Variants in PITRM1 observed in about 807,000 individuals in gnomAD.
PITRM1 encodes the protein pitrilysin metallopeptidase 1.
A neutral mutation model predicts 129.9 loss-of-function variants in PITRM1; 100 were observed. The observed-to-expected ratio is 0.77, with a 90% CI of 0.65 to 0.91. The LOEUF (loss-of-function observed/expected upper bound fraction) is 0.91, where lower values mean the gene tolerates loss of function less well. Among genes scored for constraint, PITRM1 ranks in the 40% least tolerant of loss-of-function variants. PITRM1 has a pLI of 0.00. For missense variants in PITRM1, 1,471 were observed against 1,318.3 expected (o/e 1.12, Z -1.79); for synonymous variants, 591 against 508.8 (o/e 1.16, Z -2.17).
intron 15 of PITRM1, among the ~76,000 whole-genome samples, chr10:3,150,355 G>A (rs565030713): frequency 6.6e-6 from 1 of 152,322 alleles, no homozygotes; most frequent in East Asian, 1.9e-4. Flanking sequence ...AACTGCCAGG[G>A]TTAACAGATC....
chr10:3,145,798 A>C, intron 20 of PITRM1, 82 bp from the exon 21 acceptor site: 1 of 1,118,150 alleles, frequency 8.9e-7, no homozygotes, highest in Non-Finnish European at 1.3e-6. Context: ...ATAACTCAAT[A>C]ATGTTGTTTT....
rs1238949828 is a variant in PITRM1 at position 3,149,862 on chromosome 10, G to C, written c.1739-109C>G. On this transcript the variant is annotated intron_variant, in intron 15 of 26. Transcript: ENST00000224949. The stretch of plus-strand genomic sequence containing the variant: ...TGTTTTTTCAAGAATGGAGGTTTAA[G>C]ACTTATACTAGAGTTTATATAAATT... 3.5e-6 allele frequency: 4 copies of C among 1,132,710 alleles called. No homozygotes were observed. In the Admixed American group the frequency reaches 5.6e-5, roughly 16 times the overall value. The allele number at this position is 1,132,710 out of a possible 1,614,324, so 70.2% of individuals were successfully genotyped here.
At chr10:3,145,470 G>T (rs1289830370) in intron 21 of PITRM1, 126 bp downstream of exon 21, 2 of 757,778 alleles carry the variant, frequency 2.6e-6, no homozygotes, top group African/African-American at 3.5e-5. Context: ...TTCTTCATCT[G>T]CGTACGGGGG....
rs978562655 is a variant in PITRM1 at position 3,138,256 on chromosome 10, T to G, written c.2999A>C (p.Lys1000Thr). The G allele has an allele frequency of 6.2e-7, 1 of 1,613,424 alleles. No individual in the cohort carries two copies. The highest frequency in any genetic ancestry group is 1.3e-5 in the African/African-American group (1 of 75,034). ...REQLFAVSHDKLLAVSDRYLG... is the reference protein window; with the variant it reads ...REQLFAVSHDTLLAVSDRYLG... The stretch of plus-strand genomic sequence containing the variant: ...TCACCTATCGCTCACGGCCAGGAGC[T>G]TGTCGTGGCTGACAGCAAAGAGCTG... The change falls in exon 26 of 27, where the codon AAG becomes ACG. Residue 1000 changes from lysine to threonine, a missense_variant. Coordinates refer to ENST00000224949, the MANE Select transcript of PITRM1 (RefSeq NM_014889.4).
Position 3,155,650 on chromosome 10 carries a change from T to G in PITRM1, c.1562A>C (p.Lys521Thr), listed in dbSNP as rs1453337719. ...HEKQAQVEATKLKQKVEALSP... is the reference protein window; with the variant it reads ...HEKQAQVEATTLKQKVEALSP... ...CAGAGCCTCGACCTTCTGCTTGAGC[T>G]TCGTGGCTTCCACCTGTGCCTGCTT... is the stretch of plus-strand genomic sequence containing the variant. The change falls in exon 14 of 27, where the codon AAG becomes ACG. Residue 521 changes from lysine to threonine, a missense_variant. Physicochemically the swap from Lys to Thr is moderately conservative, Grantham distance 78 (BLOSUM62 -1). Transcript: ENST00000224949. 4.3e-6 allele frequency: 7 copies of G among 1,613,826 alleles called. No homozygotes were observed. Among genetic ancestry groups the G allele is most frequent in the Non-Finnish European group, 5.1e-6 (6 of 1,179,886 alleles).
At chr10:3,156,350 T>C (rs1417435493) in intron 13 of PITRM1, among the ~76,000 whole-genome samples, 1 of 152,234 alleles carries the variant, frequency 6.6e-6, no homozygotes, top group Non-Finnish European at 1.5e-5. Context: ...AGAAAGTTCA[T>C]GGAAAATAAC....
rs186801288 is a variant in PITRM1 at position 3,158,834 on chromosome 10, C to T, written c.1136+80G>A. ...TTCCAGACACTGTCAAGTGTGGGGC[C>T]GGGACAGGGTGCGGAGGTGGAGGAG... On this transcript the variant is annotated intron_variant, in intron 10 of 26. Transcript: ENST00000224949. 3.4e-5 allele frequency: 44 copies of T among 1,308,204 alleles called. No individual in the cohort carries two copies. In the African/African-American group the frequency reaches 4.3e-4, roughly 13 times the overall value. 81.0% of individuals were successfully genotyped at this position (1,308,204 alleles called of 1,614,324 possible).
Position 3,159,862 on chromosome 10 carries a change from G to T in PITRM1, c.993C>A (p.Ser331Arg), listed in dbSNP as rs755428738. The T allele has an allele frequency of 6.3e-7, 1 of 1,596,384 alleles. No homozygotes were observed. Among genetic ancestry groups the T allele is most frequent in the African/African-American group, 1.3e-5 (1 of 74,838 alleles). Residue 331 changes from serine (S) to arginine (R), a missense_variant, in exon 9 of 27, where the codon AGC (serine) becomes AGA (arginine). Ser to Arg is a moderately radical substitution (Grantham distance 110). Coordinates refer to ENST00000224949, the MANE Select transcript of PITRM1 (RefSeq NM_014889.4). ...CATATACTTACTCCGGTAAGAGGAA[G>T]CTAACGCTGATGGTTGTTTGTTTAG... ...DPSKQTTISV[S>R]FLLPDITDTF...
intron 13 of PITRM1, 78 bp downstream of exon 13, chr10:3,156,852 A>T: frequency 1.0e-6 from 1 of 959,702 alleles, no homozygotes; most frequent in Non-Finnish European, 1.5e-6. Flanking sequence ...AAATGTATAG[A>T]TTATGTTCCT....
intron 7 of PITRM1, among the ~76,000 whole-genome samples, chr10:3,161,431 G>C (rs560326775): frequency 1.3e-5 from 2 of 152,300 alleles, no homozygotes; most frequent in Admixed American, 1.3e-4. Context: ...TATATAGCCT[G>C]AGCTATGGTT....
chr10:3,139,119 A>C lies in PITRM1; in HGVS notation c.2772-70T>G, dbSNP rs1435546662. On this transcript the variant is annotated intron_variant, in intron 24 of 26. Coordinates refer to ENST00000224949, the MANE Select transcript of PITRM1 (RefSeq NM_014889.4). ...ACAAGTTTATGACAAACCTCTGTCG[A>C]CTTAACAGTTCAACATCTTCTATGG... 3.4e-5 allele frequency: 47 copies of C among 1,362,348 alleles called. 1 individual carries two copies. In the Admixed American group the frequency reaches 8.1e-4, roughly 24 times the overall value. 84.4% of individuals were successfully genotyped at this position (1,362,348 alleles called of 1,614,324 possible).
At chr10:3,160,034 C>G in intron 8 of PITRM1, 98 bp from the exon 9 acceptor site, 1 of 1,234,978 alleles carries the variant, frequency 8.1e-7, no homozygotes, top group South Asian at 1.3e-5. Context: ...AACAGGCTTT[C>G]CACTAAGTTA....
Position 3,166,466 on chromosome 10 carries a change from T to C in PITRM1, c.267-86A>G, listed in dbSNP as rs998956859. On this transcript the variant is annotated intron_variant, in intron 3 of 26. Transcript: ENST00000224949. ...CAGATGCATCATCACCTCAGGCTAC[T>C]AGAAATCATCATTCTGACACCACAA... is the stretch of plus-strand genomic sequence containing the variant. 21 of 701,592 alleles carry C rather than the reference T, an allele frequency of 3.0e-5. No individual in the cohort carries two copies. The Admixed American group carries it at 5.2e-4, about 17-fold the overall frequency. The allele number at this position is 701,592 out of a possible 1,614,324, so 43.5% of individuals were successfully genotyped here. A position where few individuals can be genotyped will look rare whatever the true frequency, so the allele number is the denominator to read the frequency against.
At position 3,137,958 on chromosome 10, in the gene PITRM1, C is replaced by A; in HGVS notation, c.*73G>T. 2 of 865,938 alleles carry A rather than the reference C, an allele frequency of 2.3e-6. No individual in the cohort carries two copies. Among genetic ancestry groups the A allele is most frequent in the Non-Finnish European group, 1.8e-6 (1 of 543,342 alleles). The allele number at this position is 865,938 out of a possible 1,614,324, so 53.6% of individuals were successfully genotyped here. A position where few individuals can be genotyped will look rare whatever the true frequency, so the allele number is the denominator to read the frequency against. ...ATAATATTCTTGGAAAAAGCAGTAG[C>A]ATTTCTGACTTTTCATATTCAGCTC... On this transcript the variant is annotated 3_prime_UTR_variant, in exon 27 of 27. Coordinates refer to ENST00000224949, the MANE Select transcript of PITRM1 (RefSeq NM_014889.4).
At chr10:3,163,975 T>G (rs1379003122) in intron 6 of PITRM1, 90 bp from the exon 7 acceptor site, 12 of 812,376 alleles carry the variant, frequency 1.5e-5, no homozygotes, top group Non-Finnish European at 2.0e-5. Flanking sequence ...GATCACATTC[T>G]GGTGCATACA....
intron 12 of PITRM1, 169 bp from the exon 13 acceptor site, chr10:3,157,233 C>T: frequency 1.4e-6 from 1 of 724,662 alleles, no homozygotes. Context: ...AAAAAACTTA[C>T]TTTAGCCCTG....
chr10:3,167,220 CAAGG>C (rs2132510252), intron 2 of PITRM1, among the ~76,000 whole-genome samples, 178 bp from the exon 3 acceptor site: 2 of 152,124 alleles, frequency 1.3e-5, no homozygotes, highest in African/African-American at 4.8e-5. Flanking sequence ...ATCCTACAAA[CAAGG>C]AAAGACAGAC....
At chr10:3,158,836 G>T in intron 10 of PITRM1, 78 bp downstream of exon 10, 1 of 1,334,880 alleles carries the variant, frequency 7.5e-7, no homozygotes, top group Non-Finnish European at 1.1e-6. Context: ...TGTGGGGCCG[G>T]GACAGGGTGC....
At chr10:3,140,056 G>A (rs1840025376) in intron 24 of PITRM1, among the ~76,000 whole-genome samples, 1 of 152,206 alleles carries the variant, frequency 6.6e-6, no homozygotes, top group Non-Finnish European at 1.5e-5. Context: ...ACCTCAGACA[G>A]CCACTATGGA....
Sources: allele counts gnomAD v4.1 joint callset (sites outside exome capture counted in the v4.1 genomes callset), GRCh38; gene constraint gnomAD v4.1.1; transcripts MANE v1.5; gene names NCBI Gene and HGNC (gene_info 2026-07-23, HGNC 2026-07-21).